Variants in DMD observed in about 807,000 individuals in gnomAD.
DMD encodes dystrophin.
DMD carries 63 observed loss-of-function variants against 330.1 expected under a neutral mutation model. The ratio of observed to expected loss-of-function variants is 0.19; its 90% confidence interval spans 0.16 to 0.24. The LOEUF (loss-of-function observed/expected upper bound fraction) is 0.24. DMD is among the 10% of genes least tolerant of loss of function. The probability of loss-of-function intolerance (pLI) is 1.00; values close to 1 mark genes in which losing one functional copy is unlikely to be tolerated. For synonymous variants in DMD, 1,223 were observed against 959.8 expected (o/e 1.27, Z -5.07); for missense variants, 3,344 against 2,684.1 (o/e 1.25, Z -5.43).
chrX:33,013,520 T>C (rs1602708032), intron 2 of DMD, among the ~76,000 whole-genome samples: 1 of 111,753 alleles, frequency 8.9e-6, no homozygotes, highest in Non-Finnish European at 1.9e-5. Flanking sequence ...TATTATCAGA[T>C]AAAAACAAAC....
chrX:32,835,626 A>G (rs547250895), intron 4 of DMD, among the ~76,000 whole-genome samples: 1 of 112,057 alleles, frequency 8.9e-6, no homozygotes, highest in Non-Finnish European at 1.9e-5. Context: ...TGAGCTCTAC[A>G]GATATAAGCT....
chrX:31,803,676 T>TTCTCTC (rs747729240), intron 50 of DMD, among the ~76,000 whole-genome samples: 35 of 87,756 alleles, frequency 4.0e-4, no homozygotes, highest in African/African-American at 9.3e-4. Flanking sequence ...CTTTCTCTGT[T>TTCTCTC]TCTCTCTCTC....
At chrX:32,028,812 A>G (rs1334025539) in intron 44 of DMD, among the ~76,000 whole-genome samples, 1 of 110,670 alleles carries the variant, frequency 9.0e-6, no homozygotes, top group Non-Finnish European at 1.9e-5. Flanking sequence ...CTCTGCATAT[A>G]CCATTTTTTT....
intron 60 of DMD, among the ~76,000 whole-genome samples, chrX:31,397,810 A>C: frequency 8.9e-6 from 1 of 112,076 alleles, no homozygotes; most frequent in Non-Finnish European, 1.9e-5. Flanking sequence ...TTTGGAGAAA[A>C]GCATAGGAAC....
intron 44 of DMD, among the ~76,000 whole-genome samples, chrX:32,090,615 T>C (rs1305801293): frequency 8.9e-6 from 1 of 112,118 alleles, no homozygotes; most frequent in South Asian, 3.7e-4. Flanking sequence ...GTCCGTTTCA[T>C]GATCATCGCT....
intron 59 of DMD, among the ~76,000 whole-genome samples, chrX:31,453,032 G>A (rs2065874715): frequency 8.9e-6 from 1 of 112,204 alleles, no homozygotes; most frequent in Non-Finnish European, 1.9e-5. Flanking sequence ...AAATGAGCAA[G>A]TAACCTGAAT....
intron 1 of DMD, among the ~76,000 whole-genome samples, chrX:33,319,651 T>C (rs986110652): frequency 2.7e-5 from 3 of 112,357 alleles, no homozygotes; most frequent in Admixed American, 9.5e-5. Context: ...TCACCTTTAC[T>C]ATCATCGTCA....
chrX:33,244,403 G>T (rs1226414457), intron 1 of DMD, among the ~76,000 whole-genome samples: 2 of 111,682 alleles, frequency 1.8e-5, no homozygotes, highest in Non-Finnish European at 3.8e-5. Flanking sequence ...AAAAGTAAAT[G>T]GATATCTATA....
At chrX:31,792,185 C>T (rs917503051) in intron 50 of DMD, among the ~76,000 whole-genome samples, 3 of 111,948 alleles carry the variant, frequency 2.7e-5, no homozygotes, top group Non-Finnish European at 3.8e-5. Context: ...CTATTAAACA[C>T]ATTAGAAATC....
intron 62 of DMD, among the ~76,000 whole-genome samples, chrX:31,305,850 T>C (rs1276113160): frequency 8.9e-6 from 1 of 112,700 alleles, no homozygotes; most frequent in Non-Finnish European, 1.9e-5. Flanking sequence ...TCAGCAACCT[T>C]CTTATTAGTA....
At chrX:33,312,991 C>T (rs756707171) in intron 1 of DMD, among the ~76,000 whole-genome samples, 16 of 111,051 alleles carry the variant, frequency 1.4e-4, no homozygotes, top group African/African-American at 3.9e-4. Context: ...TTAAATACAC[C>T]GCTGAAAGGA....
chrX:31,487,904 T>A (rs996489097), intron 57 of DMD, among the ~76,000 whole-genome samples: 7 of 112,145 alleles, frequency 6.2e-5, no homozygotes, highest in South Asian at 3.7e-4. Context: ...TGTTTTTTTT[T>A]TAAAAATCTA....
intron 22 of DMD, among the ~76,000 whole-genome samples, chrX:32,469,432 G>A (rs1033049494): frequency 9.1e-6 from 1 of 110,169 alleles, no homozygotes; most frequent in Non-Finnish European, 1.9e-5. Flanking sequence ...TCTATGTATA[G>A]CTAAATATTA....
At chrX:32,533,904 T>C (rs548848827) in intron 17 of DMD, among the ~76,000 whole-genome samples, 1 of 111,389 alleles carries the variant, frequency 9.0e-6, no homozygotes, top group East Asian at 2.8e-4. Flanking sequence ...CAAGTTTAAA[T>C]AACTTCCAAC....
intron 6 of DMD, among the ~76,000 whole-genome samples, chrX:32,814,457 A>C (rs993041765): frequency 8.9e-6 from 1 of 112,171 alleles, no homozygotes; most frequent in Non-Finnish European, 1.9e-5. Context: ...GACATTCCTA[A>C]TTGTGCCAAC....
chrX:31,993,545 A>G (rs1235651614), intron 44 of DMD, among the ~76,000 whole-genome samples: 1 of 112,026 alleles, frequency 8.9e-6, no homozygotes, highest in Non-Finnish European at 1.9e-5. Flanking sequence ...CATCTGCAAC[A>G]CAGAGATAAG....
chrX:31,834,453 T>C (rs1396355692), intron 49 of DMD, among the ~76,000 whole-genome samples: 1 of 111,724 alleles, frequency 9.0e-6, no homozygotes, highest in Admixed American at 9.5e-5. Flanking sequence ...TATATATATA[T>C]TTTGAGACGG....
intron 7 of DMD, among the ~76,000 whole-genome samples, chrX:32,715,685 CAGCTACTTGGG>C (rs1233556193): frequency 9.2e-6 from 1 of 108,868 alleles, no homozygotes; most frequent in Non-Finnish European, 1.9e-5. Flanking sequence ...CTGTAAATCC[CAGCTACTTGGG>C]AGGCTGAGGT....
At chrX:33,122,053 C>T (rs759585086) in intron 1 of DMD, among the ~76,000 whole-genome samples, 15 of 111,281 alleles carry the variant, frequency 1.3e-4, no homozygotes, top group Non-Finnish European at 2.4e-4. Flanking sequence ...GGGTGAAACC[C>T]CGTCTCTCCT....
Sources: gnomAD v4.1 joint callset for allele counts (sites outside exome capture counted in the v4.1 genomes callset) on GRCh38, gnomAD v4.1.1 for gene constraint, MANE v1.5 for transcripts, NCBI Gene and HGNC (gene_info 2026-07-23, HGNC 2026-07-21) for gene names.